DSCAM: variants seen among roughly 807,000 people sequenced by gnomAD.
The protein encoded by DSCAM is DS cell adhesion molecule.
Under a neutral mutation model 217.7 loss-of-function variants are expected in DSCAM, and 47 were observed. The ratio of observed to expected loss-of-function variants is 0.22; its 90% CI spans 0.17 to 0.28. The LOEUF (loss-of-function observed/expected upper bound fraction) is 0.28. Ranked by LOEUF, DSCAM falls within the 10% of genes least tolerant of loss-of-function variation. DSCAM has a pLI of 1.00. For synonymous variants in DSCAM, 1,056 were observed against 1,015.3 expected (o/e 1.04, Z -0.76); for missense variants, 2,080 against 2,618.3 (o/e 0.79, Z 4.49).
Position 40,085,654 on chromosome 21 carries a change from A to G in DSCAM, c.4080T>C (p.Ile1360=). Residue 1360 remains isoleucine (I), a synonymous_variant, in exon 23 of 33, where the codon ATT becomes ATC. Coordinates refer to ENST00000400454, the MANE Select transcript of DSCAM (RefSeq NM_001389.5). ...KAEDSGYYSC[I]ANNNWGSDEI... ...CATCAGATCCCCAGTTGTTATTGGCAATGCAGCTGTAATAGCCGGAGTCTT... is the reference window on the plus strand; with the variant it reads ...CATCAGATCCCCAGTTGTTATTGGCGATGCAGCTGTAATAGCCGGAGTCTT... The G allele has an allele frequency of 6.3e-7, 1 of 1,590,608 alleles. No homozygotes were observed. Among genetic ancestry groups the G allele is most frequent in the South Asian group, 1.1e-5 (1 of 89,002 alleles).
At chr21:40,321,720 C>T (rs1161396428) in intron 8 of DSCAM, among the ~76,000 whole-genome samples, 2 of 151,504 alleles carry the variant, frequency 1.3e-5, no homozygotes, top group African/African-American at 2.4e-5. Flanking sequence ...TCTGCTCCAA[C>T]ACCTTTAGGA....
chr21:40,105,366 A>G (rs2089805875), intron 20 of DSCAM, among the ~76,000 whole-genome samples: 1 of 152,204 alleles, frequency 6.6e-6, no homozygotes, highest in South Asian at 2.1e-4. Context: ...CTCATCTTGA[A>G]TTGTAGTTCC....
intron 1 of DSCAM, among the ~76,000 whole-genome samples, chr21:40,830,732 G>A (rs56663181): frequency 0.095 from 14,481 of 152,090 alleles, 860 homozygotes; most frequent in Admixed American, 0.16. Flanking sequence ...CAATTAAATG[G>A]GATGGTAGAA....
intron 24 of DSCAM, among the ~76,000 whole-genome samples, chr21:40,082,846 A>C (rs537175503): frequency 6.6e-6 from 1 of 152,268 alleles, no homozygotes; most frequent in South Asian, 2.1e-4. Context: ...GGCTGTGGCC[A>C]CTGAGCATGA....
chr21:40,514,663 T>C (rs952610619), intron 3 of DSCAM, among the ~76,000 whole-genome samples: 2 of 152,220 alleles, frequency 1.3e-5, no homozygotes, highest in African/African-American at 4.8e-5. Context: ...TTTTTCTTTA[T>C]GGGGCATAAT....
chr21:40,286,845 TG>T (rs1446620683), intron 10 of DSCAM, among the ~76,000 whole-genome samples: 249 of 2,560 alleles, frequency 0.097, 1 homozygote, highest in Non-Finnish European at 0.1. Flanking sequence ...CAGTATGATC[TG>T]CAGGTATCTG....
At chr21:40,307,336 T>C (rs1320096510) in intron 9 of DSCAM, among the ~76,000 whole-genome samples, 4 of 151,982 alleles carry the variant, frequency 2.6e-5, no homozygotes, top group African/African-American at 9.7e-5. Context: ...GAAAAAATGC[T>C]CACCGTCACT....
intron 18 of DSCAM, among the ~76,000 whole-genome samples, chr21:40,140,377 T>C (rs1453330937): frequency 1.3e-5 from 2 of 152,152 alleles, no homozygotes; most frequent in African/African-American, 2.4e-5. Flanking sequence ...AATATTCAAG[T>C]TTTCAAAGCT....
At chr21:40,485,847 C>T (rs1256382846) in intron 3 of DSCAM, among the ~76,000 whole-genome samples, 1 of 152,022 alleles carries the variant, frequency 6.6e-6, no homozygotes, top group Non-Finnish European at 1.5e-5. Flanking sequence ...TACATACACA[C>T]TGACTTTTCA....
intron 8 of DSCAM, among the ~76,000 whole-genome samples, chr21:40,313,738 A>G (rs2074165993): frequency 6.6e-6 from 1 of 152,084 alleles, no homozygotes; most frequent in Non-Finnish European, 1.5e-5. Context: ...CTAATATCAG[A>G]GCCTGTAATG....
chr21:40,808,715 T>C (rs2091810893), intron 1 of DSCAM, among the ~76,000 whole-genome samples: 1 of 152,000 alleles, frequency 6.6e-6, no homozygotes, highest in Non-Finnish European at 1.5e-5. Flanking sequence ...GTTCAAACAA[T>C]CCTCCCACCT....
intron 16 of DSCAM, among the ~76,000 whole-genome samples, chr21:40,149,182 C>A (rs536639716): frequency 5.3e-5 from 8 of 152,104 alleles, no homozygotes; most frequent in African/African-American, 1.9e-4. Flanking sequence ...ACTATTCCAA[C>A]ACCAACATTG....
intron 1 of DSCAM, among the ~76,000 whole-genome samples, chr21:40,717,751 C>T (rs2090857941): frequency 6.6e-6 from 1 of 152,208 alleles, no homozygotes; most frequent in South Asian, 2.1e-4. Flanking sequence ...TGTGAATATA[C>T]TAAAAACCAC....
intron 3 of DSCAM, among the ~76,000 whole-genome samples, chr21:40,540,837 G>A (rs1332486110): frequency 6.6e-6 from 1 of 151,920 alleles, no homozygotes; most frequent in Admixed American, 6.6e-5. Flanking sequence ...TAACAACTGA[G>A]AGAAAATATT....
At chr21:40,597,500 CTTTTTTTTTT>C (rs10530311) in intron 3 of DSCAM, among the ~76,000 whole-genome samples, 3 of 75,854 alleles carry the variant, frequency 4.0e-5, no homozygotes, top group African/African-American at 1.8e-4. Context: ...CAGTAATAGG[CTTTTTTTTTT>C]TTTTTTTTTT....
intron 1 of DSCAM, among the ~76,000 whole-genome samples, chr21:40,843,634 G>C (rs1035311417): frequency 1.3e-5 from 2 of 151,998 alleles, no homozygotes; most frequent in African/African-American, 4.8e-5. Flanking sequence ...CTGCACATAC[G>C]TGTACCTTGG....
chr21:40,533,137 T>C (rs1171271944), intron 3 of DSCAM, among the ~76,000 whole-genome samples: 1 of 152,158 alleles, frequency 6.6e-6, no homozygotes, highest in Non-Finnish European at 1.5e-5. Flanking sequence ...ATTCTGTAGG[T>C]CCTAAGATTG....
At chr21:40,291,736 T>C (rs1436934868) in intron 10 of DSCAM, among the ~76,000 whole-genome samples, 1 of 152,190 alleles carries the variant, frequency 6.6e-6, no homozygotes, top group Non-Finnish European at 1.5e-5. Context: ...CTATTTTAAA[T>C]GCAAACTACT....
chr21:40,640,191 A>AGAGGAAAATCAAGAGAAGTGGCAGAGAGG (rs2089860485), intron 3 of DSCAM, among the ~76,000 whole-genome samples: 9 of 152,306 alleles, frequency 5.9e-5, no homozygotes, highest in Admixed American at 4.6e-4. Flanking sequence ...GAAGTGGCAG[A>AGAGGAAAATCAAGAGAAGTGGCAGAGAGG]AAACTATGGG....
Sources: allele counts gnomAD v4.1 joint callset (sites outside exome capture counted in the v4.1 genomes callset), GRCh38; gene constraint gnomAD v4.1.1; transcripts MANE v1.5; gene names NCBI Gene and HGNC (gene_info 2026-07-23, HGNC 2026-07-21).